The following MALRD1 variants were observed in gnomAD, a reference collection of about 807,000 sequenced individuals.
MALRD1 encodes the protein MAM and LDL receptor class A domain containing 1, also known as MAM and LDL-receptor class A domain-containing protein 1.
MALRD1 carries 247 observed loss-of-function variants against 242.1 expected under a neutral mutation model. The ratio of observed to expected loss-of-function variants is 1.02; its 90% CI spans 0.92 to 1.13. The LOEUF is 1.13. MALRD1 is among the 50% of genes most tolerant of loss of function. MALRD1 has a pLI of 0.00. For synonymous variants in MALRD1, 995 were observed against 866.6 expected (o/e 1.15, Z -2.60); for missense variants, 2,989 against 2,533.1 (o/e 1.18, Z -3.86).
At chr10:19,378,671 G>A (rs1486990816) in intron 26 of MALRD1, among the ~76,000 whole-genome samples, 1 of 152,016 alleles carries the variant, frequency 6.6e-6, no homozygotes, top group East Asian at 1.9e-4. Flanking sequence ...CTTGCACTCT[G>A]ACATGAACAT....
Position 19,165,809 on chromosome 10 carries a change from A to T in MALRD1, c.1829A>T (p.Gln610Leu). Residue 610 changes from glutamine to leucine, a missense_variant and splice_region_variant, in exon 13 of 40, where the codon CAG (glutamine) becomes CTG (leucine). Coordinates refer to ENST00000454679, the MANE Select transcript of MALRD1 (RefSeq NM_001142308.3). The part of the protein sequence containing the change: ...AEAGESTLPF[Q>L]LILEATVLSS... ...GCGGGAGAATCTACTCTACCTTTTCAGGTAAGCACATACGAAATTAATACA... is the reference window on the plus strand; with the variant it reads ...GCGGGAGAATCTACTCTACCTTTTCTGGTAAGCACATACGAAATTAATACA... 8.1e-7 allele frequency: 1 copy of T among 1,231,648 alleles called. No homozygotes were observed. Among genetic ancestry groups the T allele is most frequent in the Non-Finnish European group, 1.0e-6 (1 of 987,906 alleles). 76.3% of individuals were successfully genotyped at this position (1,231,648 alleles called of 1,614,324 possible). A position where few individuals can be genotyped will look rare whatever the true frequency, so the allele number is the denominator to read the frequency against.
At chr10:19,352,820 A>G (rs1204845069) in intron 26 of MALRD1, among the ~76,000 whole-genome samples, 1 of 152,120 alleles carries the variant, frequency 6.6e-6, no homozygotes, top group African/African-American at 2.4e-5. Context: ...AATTTTACTC[A>G]AATGTTGAGT....
At chr10:19,581,584 G>A (rs1837129009) in intron 33 of MALRD1, among the ~76,000 whole-genome samples, 1 of 148,522 alleles carries the variant, frequency 6.7e-6, no homozygotes, top group Admixed American at 6.8e-5. Flanking sequence ...ATTCCATGGT[G>A]TATATGTGCC....
At chr10:19,059,450 T>C (rs1006420504) in intron 1 of MALRD1, among the ~76,000 whole-genome samples, 4 of 152,088 alleles carry the variant, frequency 2.6e-5, no homozygotes, top group Non-Finnish European at 5.9e-5. Flanking sequence ...TGCAGTGGCA[T>C]GATCTCGGCT....
intron 21 of MALRD1, among the ~76,000 whole-genome samples, chr10:19,291,784 T>A (rs1426374880): frequency 6.6e-6 from 1 of 150,660 alleles, no homozygotes; most frequent in Non-Finnish European, 1.5e-5. Context: ...GTCCTTCCAT[T>A]AAAAAAAATA....
intron 33 of MALRD1, among the ~76,000 whole-genome samples, chr10:19,584,830 A>C (rs1475235199): frequency 6.6e-6 from 1 of 151,860 alleles, no homozygotes; most frequent in Non-Finnish European, 1.5e-5. Context: ...TGGGGTGTTA[A>C]AGTCTCCCAT....
intron 14 of MALRD1, among the ~76,000 whole-genome samples, chr10:19,176,366 C>CCTTTTTTTTTTTTTTTTT (rs1484132630): frequency 3.4e-5 from 3 of 87,296 alleles, no homozygotes; most frequent in African/African-American, 1.3e-4. Context: ...TTTCTGGGTG[C>CCTTTTTTTTTTTTTTTTT]TTTTTTTTTT....
chr10:19,470,382 T>C (rs1243135331), intron 29 of MALRD1, among the ~76,000 whole-genome samples: 1 of 152,080 alleles, frequency 6.6e-6, no homozygotes, highest in African/African-American at 2.4e-5. Context: ...ATCTTGGTTA[T>C]AATGCTGCAA....
intron 24 of MALRD1, among the ~76,000 whole-genome samples, chr10:19,341,543 T>TAC (rs1843876923): frequency 6.9e-6 from 1 of 144,574 alleles, no homozygotes; most frequent in African/African-American, 2.5e-5. Context: ...TACACACATA[T>TAC]ATATACACAC....
intron 18 of MALRD1, among the ~76,000 whole-genome samples, chr10:19,253,433 T>A (rs2131794401): frequency 6.6e-6 from 1 of 152,096 alleles, no homozygotes; most frequent in South Asian, 2.1e-4. Context: ...GATTTTATCC[T>A]GTTTAGGTGA....
At chr10:19,392,135 TA>T (rs1846365517) in intron 28 of MALRD1, among the ~76,000 whole-genome samples, 1 of 152,222 alleles carries the variant, frequency 6.6e-6, no homozygotes, top group South Asian at 2.1e-4. Context: ...AATGCATCCA[TA>T]AATATGTCAT....
chr10:19,511,264 A>T (rs1833389293), intron 31 of MALRD1, among the ~76,000 whole-genome samples: 1 of 152,110 alleles, frequency 6.6e-6, no homozygotes, highest in East Asian at 1.9e-4. Flanking sequence ...AAAATGCCTA[A>T]CCCACATTGG....
At chr10:19,251,838 C>T (rs1289722980) in intron 18 of MALRD1, among the ~76,000 whole-genome samples, 2 of 151,840 alleles carry the variant, frequency 1.3e-5, no homozygotes, top group African/African-American at 2.4e-5. Flanking sequence ...GGCGAATTTC[C>T]CCTTGCTGTT....
intron 38 of MALRD1, among the ~76,000 whole-genome samples, chr10:19,705,801 T>C (rs976199290): frequency 1.1e-4 from 3 of 26,990 alleles, no homozygotes; most frequent in South Asian, 1.6e-3. Flanking sequence ...TGTCCTGCAA[T>C]AGTAAAAAAA....
intron 36 of MALRD1, among the ~76,000 whole-genome samples, chr10:19,662,286 A>G (rs1841477787): frequency 6.6e-6 from 1 of 152,154 alleles, no homozygotes; most frequent in African/African-American, 2.4e-5. Context: ...CAAAGCTTGA[A>G]TGGAAGTTAA....
At chr10:19,620,958 A>C (rs983424035) in intron 36 of MALRD1, among the ~76,000 whole-genome samples, 8 of 151,824 alleles carry the variant, frequency 5.3e-5, no homozygotes, top group Non-Finnish European at 1.0e-4. Context: ...TCATACTAAA[A>C]AGAAATTTCT....
intron 36 of MALRD1, among the ~76,000 whole-genome samples, chr10:19,635,267 G>C (rs1840077376): frequency 6.6e-6 from 1 of 152,052 alleles, no homozygotes; most frequent in South Asian, 2.1e-4. Context: ...TGGTAACAGA[G>C]ACAGAAAGTG....
chr10:19,136,385 A>C (rs1162860683), intron 9 of MALRD1, among the ~76,000 whole-genome samples, 189 bp from the exon 10 acceptor site: 6 of 151,672 alleles, frequency 4.0e-5, no homozygotes, highest in Non-Finnish European at 5.9e-5. Context: ...CATGTGCACA[A>C]CCTGCAGGTT....
chr10:19,692,990 T>C (rs1349884863), intron 38 of MALRD1, among the ~76,000 whole-genome samples: 6 of 151,552 alleles, frequency 4.0e-5, no homozygotes, highest in Non-Finnish European at 7.4e-5. Context: ...ATTATCTCAA[T>C]AGATACAGAA....
Sources: gnomAD v4.1 joint callset for allele counts (sites outside exome capture counted in the v4.1 genomes callset) on GRCh38, gnomAD v4.1.1 for gene constraint, MANE v1.5 for transcripts, NCBI Gene and HGNC (gene_info 2026-07-23, HGNC 2026-07-21) for gene names.